LPAR3: variants seen among roughly 807,000 people sequenced by gnomAD.
LPAR3 encodes LPA receptor 3.
A neutral mutation model predicts 17.8 loss-of-function variants in LPAR3; 7 were observed. That is an observed-to-expected ratio of 0.39 (90% CI 0.22 to 0.74). LPAR3 has a LOEUF of 0.74. Ranked by LOEUF, LPAR3 falls within the 30% of genes least tolerant of loss-of-function variation. The probability of loss-of-function intolerance (pLI) is 0.40; values close to 1 mark genes in which losing one functional copy is unlikely to be tolerated. For synonymous variants in LPAR3, 179 were observed against 179.9 expected (o/e 0.99, Z 0.04); for missense variants, 391 against 453.4 (o/e 0.86, Z 1.25).
intron 2 of LPAR3, among the ~76,000 whole-genome samples, chr1:84,842,209 T>C (rs1236149330): frequency 6.6e-6 from 1 of 152,240 alleles, no homozygotes. Context: ...AGTTGGTTCT[T>C]GTTTTTGCAA....
chr1:84,873,759 T>C (rs1234006780), intron 1 of LPAR3, among the ~76,000 whole-genome samples: 3 of 113,326 alleles, frequency 2.6e-5, no homozygotes, highest in East Asian at 2.0e-4. Context: ...TGCTTGTTTG[T>C]TTTTTTTTTT....
intron 2 of LPAR3, among the ~76,000 whole-genome samples, chr1:84,814,834 A>G (rs1485832029): frequency 2.6e-5 from 4 of 152,218 alleles, no homozygotes; most frequent in African/African-American, 9.6e-5. Context: ...TTGGTCAGAA[A>G]TAAATCTTTC....
intron 1 of LPAR3, among the ~76,000 whole-genome samples, chr1:84,868,673 C>T (rs771066798): frequency 2.0e-5 from 3 of 152,048 alleles, no homozygotes; most frequent in Non-Finnish European, 4.4e-5. Context: ...GATTAGTGCC[C>T]TTATTGAAGA....
intron 1 of LPAR3, among the ~76,000 whole-genome samples, chr1:84,878,915 T>G (rs1660308160): frequency 6.6e-6 from 1 of 152,230 alleles, no homozygotes; most frequent in South Asian, 2.1e-4. Flanking sequence ...TAGTCCTGAC[T>G]ACTATAGTGT....
chr1:84,836,327 G>A (rs12075218), intron 2 of LPAR3, among the ~76,000 whole-genome samples: 1 of 117,576 alleles, frequency 8.5e-6, no homozygotes, highest in African/African-American at 3.4e-5. Flanking sequence ...GATACAATGA[G>A]ATCCTGTCTT....
At chr1:84,827,539 C>T (rs1659185924) in intron 2 of LPAR3, among the ~76,000 whole-genome samples, 2 of 152,130 alleles carry the variant, frequency 1.3e-5, no homozygotes, top group African/African-American at 2.4e-5. Flanking sequence ...GACCAACTGT[C>T]ACCACCATGA....
In LPAR3 at chr1:84,892,218, TA is replaced by T. The variant is rs371254844; in HGVS notation, c.-19+797del. ...ATAGTGCGAGACTGTGTCTCAAAAATAAATAAATAAATAAATAAATAAATAA... is the reference window on the plus strand; with the variant it reads ...ATAGTGCGAGACTGTGTCTCAAAAATAATAAATAAATAAATAAATAAATAA... On this transcript the variant is annotated intron_variant, in intron 1 of 2. Coordinates refer to ENST00000370611, the MANE Select transcript of LPAR3 (RefSeq NM_012152.3). 7.8e-4 allele frequency among the ~76,000 whole-genome samples: 57 copies of T among 72,822 alleles called. 1 individual carries two copies. Among genetic ancestry groups the T allele is most frequent in the African/African-American group, 2.6e-3 (52 of 19,954 alleles). The allele number at this position is 72,822 out of a possible 152,430, so 47.8% of individuals were successfully genotyped here.
At chr1:84,864,060 A>G (rs1659991142) in intron 2 of LPAR3, among the ~76,000 whole-genome samples, 1 of 152,072 alleles carries the variant, frequency 6.6e-6, no homozygotes, top group South Asian at 2.1e-4. Context: ...AAAATTACAA[A>G]AATTAGCCGG....
intron 2 of LPAR3, among the ~76,000 whole-genome samples, chr1:84,862,617 T>G (rs1011728802): frequency 6.6e-6 from 1 of 152,216 alleles, no homozygotes; most frequent in Non-Finnish European, 1.5e-5. Flanking sequence ...ATCCTCAGTT[T>G]GAAATTATTT....
chr1:84,865,471 G>A lies in LPAR3; in HGVS notation c.650C>T (p.Thr217Ile). The A allele has an allele frequency of 6.2e-7, 1 of 1,614,130 alleles. No individual in the cohort carries two copies. The highest frequency in any genetic ancestry group is 8.5e-7 in the Non-Finnish European group (1 of 1,180,034). ...LRIYVYVKRK[T>I]NVLSPHTSGS... ...ACTTGTATGCGGAGACAAGACGTTG[G>A]TTTTCCTCTTGACGTACACGTAGAT... The change falls in exon 2 of 3, where the codon ACC becomes ATC. Residue 217 changes from threonine (T) to isoleucine (I), a missense_variant. Transcript: ENST00000370611.
At position 84,844,846 on chromosome 1, in the gene LPAR3, T is replaced by G. The variant is rs543352864; in HGVS notation, c.736+20539A>C. 2.6e-4 allele frequency among the ~76,000 whole-genome samples: 40 copies of G among 152,292 alleles called. No individual in the cohort carries two copies. The East Asian group carries it at 4.1e-3, about 15-fold the overall frequency. ...AGTCTTTTATTATTTGCAGGGAAAGTGTCTGCAAGCCAGCATATTAACCTG... is the reference window on the plus strand; with the variant it reads ...AGTCTTTTATTATTTGCAGGGAAAGGGTCTGCAAGCCAGCATATTAACCTG... On this transcript the variant is annotated intron_variant, in intron 2 of 2. Transcript: ENST00000370611.
intron 2 of LPAR3, among the ~76,000 whole-genome samples, chr1:84,824,361 T>C (rs1307669698): frequency 1.3e-5 from 2 of 152,136 alleles, no homozygotes; most frequent in Admixed American, 1.3e-4. Context: ...CCACTCATGA[T>C]TAAGAAACCA....
In LPAR3 at chr1:84,865,618, T is replaced by C. The variant is rs1660028973; in HGVS notation, c.503A>G (p.Asn168Ser). Residue 168 changes from asparagine (N) to serine (S), a missense_variant, in exon 2 of 3, where the codon AAT (asparagine) becomes AGT (serine). Asn to Ser is a conservative substitution (Grantham distance 46). Transcript: ENST00000370611. ...FMGAVPTLGW[N>S]CLCNISACSS... ...GCAGGCAGAGATGTTGCAGAGGCAA[T>C]TCCAGCCCAGTGTGGGGACCGCCCC... 1 of 1,614,086 alleles carries C rather than the reference T, an allele frequency of 6.2e-7. No homozygotes were observed. Among genetic ancestry groups the C allele is most frequent in the South Asian group, 1.1e-5 (1 of 91,086 alleles).
intron 2 of LPAR3, among the ~76,000 whole-genome samples, chr1:84,832,353 CAAT>C (rs928732087): frequency 6.6e-6 from 1 of 152,138 alleles, no homozygotes; most frequent in African/African-American, 2.4e-5. Flanking sequence ...GTTTGAAAGA[CAAT>C]ACCTTTCCTC....
intron 1 of LPAR3, among the ~76,000 whole-genome samples, chr1:84,874,091 C>T (rs1660209075): frequency 6.6e-6 from 1 of 152,162 alleles, no homozygotes; most frequent in Non-Finnish European, 1.5e-5. Context: ...CCTAAAATTG[C>T]TCTGATCTGG....
At chr1:84,853,453 G>A (rs1204143310) in intron 2 of LPAR3, among the ~76,000 whole-genome samples, 4 of 152,200 alleles carry the variant, frequency 2.6e-5, no homozygotes, top group African/African-American at 9.7e-5. Context: ...AAAGTGGCAA[G>A]GCTTGATTAA....
At chr1:84,885,165 T>A (rs1260790828) in intron 1 of LPAR3, among the ~76,000 whole-genome samples, 3 of 152,164 alleles carry the variant, frequency 2.0e-5, no homozygotes, top group Non-Finnish European at 4.4e-5. Flanking sequence ...AGGCCAGGAA[T>A]GCTGCTGCAC....
At chr1:84,866,167 T>C in intron 1 of LPAR3, 29 bp from the exon 2 acceptor site, 1 of 1,489,500 alleles carries the variant, frequency 6.7e-7, no homozygotes, top group Non-Finnish European at 9.0e-7. Flanking sequence ...AAGAAACAAA[T>C]ATCATTTGTA....
chr1:84,880,978 C>T (rs937227209), intron 1 of LPAR3, among the ~76,000 whole-genome samples: 2 of 152,166 alleles, frequency 1.3e-5, no homozygotes, highest in African/African-American at 2.4e-5. Context: ...AGCAGGGTTT[C>T]GTCATTTTTA....
Sources: gnomAD v4.1 joint callset for allele counts (sites outside exome capture counted in the v4.1 genomes callset) on GRCh38, gnomAD v4.1.1 for gene constraint, MANE v1.5 for transcripts, NCBI Gene and HGNC (gene_info 2026-07-23, HGNC 2026-07-21) for gene names.